The following RPS6KA1 variants were observed in gnomAD, a reference collection of about 807,000 sequenced individuals.
RPS6KA1 encodes the protein ribosomal protein S6 kinase alpha-1.
In RPS6KA1, 48 loss-of-function variants were observed where a neutral mutation model predicts 91.3. The observed-to-expected ratio is 0.53, with a 90% CI of 0.42 to 0.67. The LOEUF (loss-of-function observed/expected upper bound fraction) is 0.67. RPS6KA1 is among the 30% of genes least tolerant of loss of function. The pLI is 0.00. For missense variants in RPS6KA1, 719 were observed against 960.5 expected, an observed-to-expected ratio of 0.75 and a Z score of 3.32; for synonymous variants, 359 against 384.7, an observed-to-expected ratio of 0.93 and a Z score of 0.78.
chr1:26,531,039 CTT>C, intron 1 of RPS6KA1: 1 of 508,760 alleles, frequency 2.0e-6, no homozygotes, highest in South Asian at 3.6e-5. Context: ...TCTGCCCTCT[CTT>C]ACCTAGGGCA....
chr1:26,555,088 G>A lies in RPS6KA1; in HGVS notation c.757-63G>A, dbSNP rs2076087701. Reference sequence around the variant, plus strand: ...GACTGGGGCAGAGGGGTCTGACTGGGAGGAGGCGGGAGGTGTGTCGGAGAC... The same window carrying A: ...GACTGGGGCAGAGGGGTCTGACTGGAAGGAGGCGGGAGGTGTGTCGGAGAC... On this transcript the variant is annotated intron_variant, in intron 9 of 21. Transcript: ENST00000374168. This position sits in a 1 kb window ranked among gnomAD's most constrained non-coding sequence, Gnocchi z 4.3. 1 of 1,508,436 alleles carries A rather than the reference G, an allele frequency of 6.6e-7. No homozygotes were observed. The highest frequency in any genetic ancestry group is 9.2e-7 in the Non-Finnish European group (1 of 1,086,340). 93.4% of individuals were successfully genotyped at this position (1,508,436 alleles called of 1,614,324 possible).
chr1:26,568,067 G>GT (rs1026844430), intron 17 of RPS6KA1, among the ~76,000 whole-genome samples: 1 of 152,188 alleles, frequency 6.6e-6, no homozygotes, highest in Non-Finnish European at 1.5e-5. Context: ...GATAAGGGGT[G>GT]TTTTTTGATT....
rs370087580 is a variant in RPS6KA1, at chr1:26,560,865, C to T, written c.1341+14C>T. Reference sequence around the variant, plus strand: ...TATGCTGTCAAGGTGGGCCTCCTGACCACGTCTCGGCCAAGGCTGCTGGGT... The same window carrying T: ...TATGCTGTCAAGGTGGGCCTCCTGATCACGTCTCGGCCAAGGCTGCTGGGT... On this transcript the variant is annotated intron_variant, in intron 15 of 21. Transcript: ENST00000374168. 1 of 1,614,114 alleles carries T rather than the reference C, an allele frequency of 6.2e-7. No individual in the cohort carries two copies. Among genetic ancestry groups the T allele is most frequent in the Non-Finnish European group, 8.5e-7 (1 of 1,180,020 alleles).
chr1:26,566,300 T>TC (rs1415569054), intron 17 of RPS6KA1, among the ~76,000 whole-genome samples: 29 of 148,996 alleles, frequency 1.9e-4, no homozygotes, highest in Non-Finnish European at 4.2e-4. Context: ...TTTTTTTTTT[T>TC]TGAGACAGAG....
At chr1:26,545,925 C>T (rs149509119) in intron 2 of RPS6KA1, 18 of 1,588,904 alleles carry the variant, frequency 1.1e-5, no homozygotes, top group East Asian at 2.3e-5. Context: ...CAAGCCGCCC[C>T]GTCTGCGGCT....
chr1:26,565,543 TTTTTCTTTTC>T (rs57066833), intron 17 of RPS6KA1, among the ~76,000 whole-genome samples: 37 of 148,128 alleles, frequency 2.5e-4, no homozygotes, highest in Admixed American at 5.4e-4. Context: ...TGAATTTATT[TTTTTCTTTTC>T]TTTTCTTTTC....
chr1:26,549,015 C>T (rs929140063), intron 4 of RPS6KA1, among the ~76,000 whole-genome samples: 2 of 150,960 alleles, frequency 1.3e-5, no homozygotes, highest in African/African-American at 2.4e-5. Flanking sequence ...AACAAGACTC[C>T]GGAAAGACAT....
Position 26,554,093 on chromosome 1 carries a change from A to G in RPS6KA1, c.576-121A>G, listed in dbSNP as rs1217546461. 3.0e-6 allele frequency: 3 copies of G among 1,003,468 alleles called. No individual in the cohort carries two copies. Among genetic ancestry groups the G allele is most frequent in the Non-Finnish European group, 4.4e-6 (3 of 683,694 alleles). The allele number at this position is 1,003,468 out of a possible 1,614,324, so 62.2% of individuals were successfully genotyped here. On this transcript the variant is annotated intron_variant, in intron 7 of 21. Transcript: ENST00000374168. This position sits in a 1 kb window ranked among gnomAD's most constrained non-coding sequence, Gnocchi z 4.6. ...ACCACCCTGCAACACCCGCCCAGTC[A>G]TCAGAGAGAATTGGGTGGAGCACCT...
chr1:26,556,795 G>A, intron 12 of RPS6KA1, 77 bp downstream of exon 12: 1 of 1,536,118 alleles, frequency 6.5e-7, no homozygotes, highest in Non-Finnish European at 9.0e-7. Context: ...TGGGAGGGGA[G>A]CCTCTGCCAG....
chr1:26,562,854 G>C (rs909637099), intron 17 of RPS6KA1, among the ~76,000 whole-genome samples: 1 of 72,050 alleles, frequency 1.4e-5, no homozygotes, highest in Non-Finnish European at 2.5e-5. Context: ...TTTTTTTTTG[G>C]AGATAGAGTC....
rs567097550 is a variant in RPS6KA1 at position 26,555,044 on chromosome 1, G to A, written c.757-107G>A. The A allele has an allele frequency of 3.8e-5, 43 of 1,131,348 alleles. No homozygotes were observed. The African/African-American group carries it at 6.0e-4, about 16-fold the overall frequency. The allele number at this position is 1,131,348 out of a possible 1,614,324, so 70.1% of individuals were successfully genotyped here. A position where few individuals can be genotyped will look rare whatever the true frequency, so the allele number is the denominator to read the frequency against. On this transcript the variant is annotated intron_variant, in intron 9 of 21. Coordinates refer to ENST00000374168, the MANE Select transcript of RPS6KA1 (RefSeq NM_002953.4). The surrounding 1 kb of genome is among the most constrained non-coding windows in gnomAD (Gnocchi z 4.3). ...ATTCTTGCTCCAGGCTGACTTGGAT[G>A]TATCAGCAAGAATCCTGGGACTGGG...
chr1:26,557,799 C>CTCCCT (rs1462018438), intron 13 of RPS6KA1, among the ~76,000 whole-genome samples: 1 of 136,104 alleles, frequency 7.3e-6, no homozygotes, highest in Admixed American at 7.4e-5. Context: ...CTCCCCTCCC[C>CTCCCT]TCCCCTCCCC....
intron 13 of RPS6KA1, among the ~76,000 whole-genome samples, chr1:26,557,645 A>G (rs1330067637): frequency 6.6e-6 from 1 of 152,132 alleles, no homozygotes; most frequent in Non-Finnish European, 1.5e-5. Context: ...TCTGGGAAGG[A>G]ACCTGGTGAA....
At chr1:26,570,520 G>A (rs1240955863) in intron 17 of RPS6KA1, among the ~76,000 whole-genome samples, 1 of 152,098 alleles carries the variant, frequency 6.6e-6, no homozygotes, top group Non-Finnish European at 1.5e-5. Flanking sequence ...ACAGAGTGTG[G>A]GGAGGAGAAG....
Position 26,574,093 on chromosome 1 carries a change from C to T in RPS6KA1, c.2100C>T (p.Ala700=). The stretch of plus-strand genomic sequence containing the variant: ...TTCTCTTTCAGGGAGCCATGGCTGC[C>T]ACGTACTCCGCACTCAACAGCTCCA... ...DLQLVKGAMA[A]TYSALNSSKP... is the part of the protein sequence containing the mutation. Residue 700 remains alanine (A), a synonymous_variant, in exon 22 of 22, where the codon GCC becomes GCT. Coordinates refer to ENST00000374168, the MANE Select transcript of RPS6KA1 (RefSeq NM_002953.4). This position sits in a 1 kb window ranked among gnomAD's most constrained non-coding sequence, Gnocchi z 4.3. 6.2e-7 allele frequency: 1 copy of T among 1,614,146 alleles called. No individual in the cohort carries two copies. Among genetic ancestry groups the T allele is most frequent in the Non-Finnish European group, 8.5e-7 (1 of 1,179,986 alleles).
chr1:26,546,155 T>TCCAGTCACCCTGCAG, intron 2 of RPS6KA1: 4 of 1,172,756 alleles, frequency 3.4e-6, no homozygotes, highest in East Asian at 2.9e-5. Context: ...CCCTGCAGGG[T>TCCAGTCACCCTGCAG]GACTGGACCC....
chr1:26,533,241 A>G (rs575685156), intron 1 of RPS6KA1, among the ~76,000 whole-genome samples: 29 of 152,168 alleles, frequency 1.9e-4, no homozygotes, highest in South Asian at 6.2e-4. Flanking sequence ...CACCATGCCC[A>G]GCTAATTTTT....
chr1:26,554,080 C>T lies in RPS6KA1; in HGVS notation c.576-134C>T. 2 of 897,900 alleles carry T rather than the reference C, an allele frequency of 2.2e-6. No individual in the cohort carries two copies. The highest frequency in any genetic ancestry group is 3.4e-6 in the Non-Finnish European group (2 of 591,366). 55.6% of individuals were successfully genotyped at this position (897,900 alleles called of 1,614,324 possible). On this transcript the variant is annotated intron_variant, in intron 7 of 21. Transcript: ENST00000374168. The surrounding 1 kb of genome is among the most constrained non-coding windows in gnomAD (Gnocchi z 4.6). ...GCGTGGTACTGCTACCACCCTGCAA[C>T]ACCCGCCCAGTCATCAGAGAGAATT...
chr1:26,573,926 A>C (rs1427382079), intron 21 of RPS6KA1, among the ~76,000 whole-genome samples, 153 bp from the exon 22 acceptor site: 1 of 150,210 alleles, frequency 6.7e-6, no homozygotes, highest in Non-Finnish European at 1.5e-5. Context: ...TGACAGAGTG[A>C]GACTGTATCT....
Sources: allele counts gnomAD v4.1 joint callset (sites outside exome capture counted in the v4.1 genomes callset), GRCh38; gene constraint gnomAD v4.1.1; non-coding constraint Gnocchi (gnomAD v3.1); transcripts MANE v1.5; gene names NCBI Gene and HGNC (gene_info 2026-07-23, HGNC 2026-07-21).